Variants in FOXN3 observed in about 807,000 individuals in gnomAD.
The protein encoded by FOXN3 is forkhead box protein N3.
Under a neutral mutation model 38.4 loss-of-function variants are expected in FOXN3, and 7 were observed. The ratio of observed to expected loss-of-function variants is 0.18; its 90% CI spans 0.10 to 0.34. The LOEUF (loss-of-function observed/expected upper bound fraction) is 0.34. Among genes scored for constraint, FOXN3 ranks in the 10% least tolerant of loss-of-function variants. The pLI is 1.00. For missense variants in FOXN3, 456 were observed against 613.4 expected (o/e 0.74, Z 2.71); for synonymous variants, 230 against 242.2 (o/e 0.95, Z 0.47).
intron 4 of FOXN3, among the ~76,000 whole-genome samples, chr14:89,244,020 G>A (rs968998553): frequency 2.6e-5 from 4 of 152,158 alleles, no homozygotes; most frequent in Admixed American, 1.3e-4. Flanking sequence ...ATGCTAAGGT[G>A]GCTTTGCAGA....
chr14:89,335,230 C>A (rs931280766), intron 3 of FOXN3, among the ~76,000 whole-genome samples: 1 of 152,072 alleles, frequency 6.6e-6, no homozygotes, highest in African/African-American at 2.4e-5. Context: ...AATTTTTATT[C>A]ATCAATTATA....
chr14:89,425,563 G>A (rs1892009811), intron 1 of FOXN3, among the ~76,000 whole-genome samples: 1 of 142,166 alleles, frequency 7.0e-6, no homozygotes, highest in Non-Finnish European at 1.5e-5. Context: ...ACGGGGTTGA[G>A]CATGTTGGCC....
intron 4 of FOXN3, among the ~76,000 whole-genome samples, chr14:89,280,675 G>C (rs550601591): frequency 1.3e-5 from 2 of 152,048 alleles, no homozygotes; most frequent in South Asian, 4.2e-4. Context: ...AAAGCAAGCC[G>C]AACACTTCCA....
intron 1 of FOXN3, among the ~76,000 whole-genome samples, chr14:89,565,164 T>C (rs1895326520): frequency 6.9e-6 from 1 of 145,232 alleles, no homozygotes; most frequent in South Asian, 2.2e-4. Context: ...CACCCCGTGA[T>C]GATGGAGGCA....
chr14:89,523,785 CAG>C (rs1894369927), intron 1 of FOXN3, among the ~76,000 whole-genome samples: 1 of 151,450 alleles, frequency 6.6e-6, no homozygotes, highest in African/African-American at 2.4e-5. Flanking sequence ...TTTTTTGAGA[CAG>C]AGTCTCGCTC....
At chr14:89,383,046 T>TC (rs1890701058) in intron 2 of FOXN3, among the ~76,000 whole-genome samples, 1 of 150,094 alleles carries the variant, frequency 6.7e-6, no homozygotes, top group South Asian at 2.1e-4. Flanking sequence ...TTTTTTTTTT[T>TC]TTTTTTTTCC....
At chr14:89,425,057 C>CT (rs1891994115) in intron 1 of FOXN3, among the ~76,000 whole-genome samples, 4 of 76,010 alleles carry the variant, frequency 5.3e-5, no homozygotes, top group Non-Finnish European at 1.1e-4. Flanking sequence ...GTTTTGTTTT[C>CT]TTTTCTTTTT....
At chr14:89,569,807 G>C (rs1432553020) in intron 1 of FOXN3, among the ~76,000 whole-genome samples, 1 of 152,050 alleles carries the variant, frequency 6.6e-6, no homozygotes, top group East Asian at 1.9e-4. Flanking sequence ...ATACCTGATG[G>C]GGAGCCATCA....
At chr14:89,435,799 A>G (rs937906893) in intron 1 of FOXN3, among the ~76,000 whole-genome samples, 3 of 152,114 alleles carry the variant, frequency 2.0e-5, no homozygotes, top group African/African-American at 7.2e-5. Context: ...CCTCTCACAG[A>G]TTTCCTGTGA....
chr14:89,260,123 C>T (rs1334165090), intron 4 of FOXN3, among the ~76,000 whole-genome samples: 1 of 152,202 alleles, frequency 6.6e-6, no homozygotes, highest in Admixed American at 6.5e-5. Context: ...TTAAACAACA[C>T]GTAATGATTT....
intron 3 of FOXN3, among the ~76,000 whole-genome samples, chr14:89,341,404 C>T (rs932713198): frequency 5.3e-5 from 8 of 152,312 alleles, no homozygotes; most frequent in Middle Eastern, 3.4e-3. Flanking sequence ...ATTCCCTGTT[C>T]TTCAACAGTA....
At chr14:89,314,965 C>T (rs1182120231) in intron 3 of FOXN3, among the ~76,000 whole-genome samples, 2 of 152,120 alleles carry the variant, frequency 1.3e-5, no homozygotes, top group African/African-American at 2.4e-5. Flanking sequence ...TTTAATTACT[C>T]TTCACGGCTT....
intron 1 of FOXN3, among the ~76,000 whole-genome samples, chr14:89,520,867 T>A (rs556425861): frequency 1.3e-5 from 2 of 152,190 alleles, no homozygotes; most frequent in South Asian, 4.1e-4. Context: ...AGACAAAGAT[T>A]TTAAACACCC....
intron 1 of FOXN3, among the ~76,000 whole-genome samples, chr14:89,572,209 C>T (rs1895510597): frequency 6.6e-6 from 1 of 152,116 alleles, no homozygotes; most frequent in Non-Finnish European, 1.5e-5. Context: ...CATACAGTTC[C>T]AGATGTTTAT....
At chr14:89,473,504 T>C (rs1893151091) in intron 1 of FOXN3, among the ~76,000 whole-genome samples, 1 of 151,986 alleles carries the variant, frequency 6.6e-6, no homozygotes, top group Non-Finnish European at 1.5e-5. Context: ...GCCTCGCAAG[T>C]AGCTGGGACC....
intron 2 of FOXN3, among the ~76,000 whole-genome samples, chr14:89,354,194 A>C (rs1392444609): frequency 1.3e-5 from 2 of 152,058 alleles, no homozygotes. Flanking sequence ...TCATCTGAAG[A>C]CAAGAATATG....
Position 89,406,841 on chromosome 14 carries a change from C to G in FOXN3, c.543+5093G>C, listed in dbSNP as rs530884962. On this transcript the variant is annotated intron_variant, in intron 2 of 5. Coordinates refer to ENST00000557258, the MANE Select transcript of FOXN3 (RefSeq NM_005197.4). The stretch of plus-strand genomic sequence containing the variant: ...TATAATCCAGTCTGGAAAAAAATAA[C>G]TGCATTCTACTTCTCATTTACAAGT... Among the ~76,000 whole-genome samples the G allele has an allele frequency of 2.6e-5, 4 of 151,764 alleles. No individual in the cohort carries two copies. The South Asian group carries it at 6.2e-4, about 24-fold the overall frequency.
At chr14:89,554,913 C>T (rs981510639) in intron 1 of FOXN3, among the ~76,000 whole-genome samples, 8 of 151,280 alleles carry the variant, frequency 5.3e-5, no homozygotes, top group Admixed American at 4.6e-4. Context: ...TTCAGCCTCC[C>T]GAGTAGCTGT....
At chr14:89,457,874 C>T (rs1227267165) in intron 1 of FOXN3, among the ~76,000 whole-genome samples, 4 of 151,904 alleles carry the variant, frequency 2.6e-5, no homozygotes, top group African/African-American at 9.7e-5. Flanking sequence ...ATCAGCTGGG[C>T]GTGGTGGCAC....
Sources: allele counts gnomAD v4.1 joint callset (sites outside exome capture counted in the v4.1 genomes callset), GRCh38; gene constraint gnomAD v4.1.1; transcripts MANE v1.5; gene names NCBI Gene and HGNC (gene_info 2026-07-23, HGNC 2026-07-21).